SLC9A9: variants seen among roughly 807,000 people sequenced by gnomAD.
SLC9A9 encodes the protein sodium/hydrogen exchanger 9.
In SLC9A9, 62 loss-of-function variants were observed where a neutral mutation model predicts 77.8. That is an observed-to-expected ratio of 0.80 (90% CI 0.65 to 0.98). The LOEUF is 0.98. Among genes scored for constraint, SLC9A9 ranks in the 50% least tolerant of loss-of-function variants. SLC9A9 has a pLI of 0.00. For missense variants in SLC9A9, 775 were observed against 774.9 expected (o/e 1.00, Z 0.00); for synonymous variants, 320 against 283.5 (o/e 1.13, Z -1.29).
chr3:143,752,607 A>C (rs1420465742), intron 4 of SLC9A9, among the ~76,000 whole-genome samples: 1 of 152,132 alleles, frequency 6.6e-6, no homozygotes, highest in South Asian at 2.1e-4. Context: ...TGTCCCCAAA[A>C]GCCAGCACAA....
intron 6 of SLC9A9, among the ~76,000 whole-genome samples, chr3:143,633,157 A>G (rs982763303): frequency 6.6e-6 from 1 of 152,224 alleles, no homozygotes; most frequent in Non-Finnish European, 1.5e-5. Flanking sequence ...GCCAACTCTT[A>G]TGCTAGTTAT....
intron 9 of SLC9A9, among the ~76,000 whole-genome samples, chr3:143,526,838 A>T (rs925868987): frequency 6.6e-6 from 1 of 152,338 alleles, no homozygotes. Flanking sequence ...TAGCAAGCAT[A>T]AAAGGAAGTC....
At chr3:143,734,113 C>T (rs1934879421) in intron 4 of SLC9A9, among the ~76,000 whole-genome samples, 1 of 151,922 alleles carries the variant, frequency 6.6e-6, no homozygotes, top group Non-Finnish European at 1.5e-5. Flanking sequence ...GGAAGGATTG[C>T]CTGAATTCAG....
At position 143,556,405 on chromosome 3, in the gene SLC9A9, C is replaced by T. The variant is rs114788605; in HGVS notation, c.1001-3955G>A. Reference sequence around the variant, plus strand: ...CTTTCCTTTGCCAGTGCTGTTGGATCCTGCCAGTATGAAGTGCCAGAAGGT... The same window carrying T: ...CTTTCCTTTGCCAGTGCTGTTGGATTCTGCCAGTATGAAGTGCCAGAAGGT... On this transcript the variant is annotated intron_variant, in intron 8 of 15. Coordinates refer to ENST00000316549, the MANE Select transcript of SLC9A9 (RefSeq NM_173653.4). Among the ~76,000 whole-genome samples, 4 of 152,306 alleles carry T rather than the reference C, an allele frequency of 2.6e-5. No individual in the cohort carries two copies. In the East Asian group the frequency reaches 7.7e-4, roughly 29 times the overall value.
At chr3:143,393,454 T>C (rs996778409) in intron 12 of SLC9A9, among the ~76,000 whole-genome samples, 2 of 152,082 alleles carry the variant, frequency 1.3e-5, no homozygotes, top group African/African-American at 4.8e-5. Flanking sequence ...CAAAACAGTG[T>C]GTAGAGGGAA....
chr3:143,381,806 T>C, intron 13 of SLC9A9: 2 of 508,662 alleles, frequency 3.9e-6, no homozygotes, highest in Non-Finnish European at 7.1e-6. Flanking sequence ...AGCCATCATA[T>C]ACTTTGTAAA....
chr3:143,695,536 AG>A (rs1163447404), intron 4 of SLC9A9, among the ~76,000 whole-genome samples: 1 of 152,184 alleles, frequency 6.6e-6, no homozygotes, highest in African/African-American at 2.4e-5. Context: ...ATGGCTGCAT[AG>A]TATTCCATGG....
intron 14 of SLC9A9, among the ~76,000 whole-genome samples, chr3:143,315,454 T>C (rs1253386028): frequency 1.3e-5 from 2 of 152,250 alleles, no homozygotes; most frequent in African/African-American, 4.8e-5. Context: ...TGTACTACTA[T>C]GTGGCATGAC....
At chr3:143,813,575 C>T (rs1249955744) in intron 2 of SLC9A9, among the ~76,000 whole-genome samples, 1 of 152,170 alleles carries the variant, frequency 6.6e-6, no homozygotes, top group African/African-American at 2.4e-5. Context: ...CAGAGCCCAG[C>T]ATGGAGGCCA....
At chr3:143,482,699 A>C (rs1160613384) in intron 11 of SLC9A9, among the ~76,000 whole-genome samples, 1 of 152,214 alleles carries the variant, frequency 6.6e-6, no homozygotes, top group Non-Finnish European at 1.5e-5. Context: ...GTTCTTATTT[A>C]GTTTTAAATT....
At chr3:143,620,548 A>C (rs1006346258) in intron 6 of SLC9A9, 1 of 151,650 alleles carries the variant, frequency 6.6e-6, no homozygotes, top group Admixed American at 6.6e-5. Flanking sequence ...ATCCAGAACA[A>C]CTCCTCAGGC....
At chr3:143,793,459 A>G (rs1219259820) in intron 4 of SLC9A9, among the ~76,000 whole-genome samples, 2 of 152,246 alleles carry the variant, frequency 1.3e-5, no homozygotes, top group African/African-American at 4.8e-5. Flanking sequence ...AGAGTTTAGA[A>G]TTTGGATCCA....
intron 9 of SLC9A9, among the ~76,000 whole-genome samples, chr3:143,550,993 T>C (rs1201515462): frequency 1.3e-5 from 2 of 152,194 alleles, no homozygotes; most frequent in African/African-American, 2.4e-5. Flanking sequence ...AACGGAGTCA[T>C]TGTAAATGTA....
intron 4 of SLC9A9, among the ~76,000 whole-genome samples, chr3:143,737,932 A>T (rs77723784): frequency 6.6e-6 from 1 of 152,218 alleles, no homozygotes; most frequent in Non-Finnish European, 1.5e-5. Flanking sequence ...AATATTTTAC[A>T]TGCATTCTCT....
intron 4 of SLC9A9, among the ~76,000 whole-genome samples, chr3:143,733,368 G>T (rs543531386): frequency 5.9e-5 from 9 of 152,130 alleles, no homozygotes; most frequent in Non-Finnish European, 1.3e-4. Context: ...GGTAGGAGGA[G>T]GGTGAAGAGA....
intron 12 of SLC9A9, among the ~76,000 whole-genome samples, chr3:143,445,178 T>C (rs914115183): frequency 6.6e-6 from 1 of 152,228 alleles, no homozygotes; most frequent in African/African-American, 2.4e-5. Context: ...TCTCAAGCTG[T>C]GGCTCACTCT....
rs1029254697 is a variant in SLC9A9 at position 143,535,054 on chromosome 3, T to C, written c.1089+17308A>G. On this transcript the variant is annotated intron_variant, in intron 9 of 15. Transcript: ENST00000316549. ...TGATCACATGAATCATATACATGTT[T>C]GGGTGGACAACAGAAATTAAACCAT... is the stretch of plus-strand genomic sequence containing the variant. Among the ~76,000 whole-genome samples the C allele has an allele frequency of 9.8e-5, 15 of 152,336 alleles. 1 individual carries two copies. The South Asian group carries it at 3.1e-3, about 32-fold the overall frequency.
intron 13 of SLC9A9, among the ~76,000 whole-genome samples, chr3:143,370,567 G>GCACACACACACACACACACACACA (rs57705324): frequency 1.4e-5 from 2 of 143,420 alleles, no homozygotes; most frequent in African/African-American, 5.2e-5. Context: ...GCATGTGCGC[G>GCACACACACACACACACACACACA]CACACACACA....
intron 2 of SLC9A9, among the ~76,000 whole-genome samples, chr3:143,807,837 C>G (rs2008763729): frequency 6.6e-6 from 1 of 152,196 alleles, no homozygotes; most frequent in African/African-American, 2.4e-5. Context: ...AAGGCCATAG[C>G]ATGGGCAGAT....
Sources: allele counts gnomAD v4.1 joint callset (sites outside exome capture counted in the v4.1 genomes callset), GRCh38; gene constraint gnomAD v4.1.1; transcripts MANE v1.5; gene names NCBI Gene and HGNC (gene_info 2026-07-23, HGNC 2026-07-21).